HRH1: variants seen among roughly 807,000 people sequenced by gnomAD.
The protein encoded by HRH1 is histamine H1 receptor.
HRH1 carries 6 observed loss-of-function variants against 10.3 expected under a neutral mutation model. The ratio of observed to expected loss-of-function variants is 0.58; its 90% confidence interval spans 0.32 to 1.15. HRH1 has a LOEUF of 1.15. Among genes scored for constraint, HRH1 ranks in the 50% most tolerant of loss-of-function variants. The pLI, the probability that HRH1 is intolerant of heterozygous loss-of-function variation, is 0.05. For missense variants in HRH1, 514 were observed against 615.3 expected (o/e 0.84, Z 1.74); for synonymous variants, 242 against 236.7 (o/e 1.02, Z -0.21).
intron 1 of HRH1, among the ~76,000 whole-genome samples, chr3:11,247,864 T>C (rs985766539): frequency 1.6e-4 from 24 of 152,240 alleles, no homozygotes; most frequent in African/African-American, 5.5e-4. Flanking sequence ...TATAAGTCTT[T>C]GCACTAAACC....
intron 1 of HRH1, among the ~76,000 whole-genome samples, chr3:11,199,997 G>A (rs1361635116): frequency 2.0e-5 from 3 of 152,194 alleles, no homozygotes; most frequent in Non-Finnish European, 4.4e-5. Flanking sequence ...TAGTGGACAT[G>A]ACACATGTGG....
intron 1 of HRH1, among the ~76,000 whole-genome samples, chr3:11,188,187 T>C (rs1937480603): frequency 6.6e-6 from 1 of 152,194 alleles, no homozygotes; most frequent in African/African-American, 2.4e-5. Context: ...ATATCTAGCA[T>C]TGGTAAGAAT....
intron 1 of HRH1, among the ~76,000 whole-genome samples, chr3:11,222,963 G>A (rs1938757017): frequency 6.6e-6 from 1 of 152,028 alleles, no homozygotes; most frequent in African/African-American, 2.4e-5. Context: ...AAGGCAGGCG[G>A]ATCATGAGGT....
Position 11,261,979 on chromosome 3 carries a change from G to A in HRH1, c.*1478G>A, listed in dbSNP as rs200072076. On this transcript the variant is annotated 3_prime_UTR_variant, in exon 2 of 2. Coordinates refer to ENST00000431010, the MANE Select transcript of HRH1 (RefSeq NM_001098212.2). The stretch of plus-strand genomic sequence containing the variant: ...TGACATGGAGTTCCCGTGCACCTAC[G>A]GAAGGGGACGCTTTGAAGGAACCAA... The A allele has an allele frequency of 4.2e-5, 7 of 167,186 alleles. No individual in the cohort carries two copies. The highest frequency in any genetic ancestry group is 3.3e-4 in the Admixed American group (5 of 15,296). 10.4% of individuals were successfully genotyped at this position (167,186 alleles called of 1,614,324 possible). A position where few individuals can be genotyped will look rare whatever the true frequency, so the allele number is the denominator to read the frequency against.
intron 1 of HRH1, among the ~76,000 whole-genome samples, chr3:11,161,851 C>T (rs1001125616): frequency 4.6e-5 from 7 of 152,176 alleles, no homozygotes; most frequent in African/African-American, 1.7e-4. Context: ...GGAGTTTTCT[C>T]CCACTGGTCT....
intron 1 of HRH1, among the ~76,000 whole-genome samples, chr3:11,140,126 A>G (rs1936263463): frequency 6.6e-6 from 1 of 152,184 alleles, no homozygotes; most frequent in Admixed American, 6.5e-5. Context: ...GTGCCCATGT[A>G]CAGTGAACGA....
chr3:11,179,161 G>A (rs932367136), intron 1 of HRH1, among the ~76,000 whole-genome samples: 19 of 152,014 alleles, frequency 1.2e-4, no homozygotes, highest in Admixed American at 8.5e-4. Flanking sequence ...GGTGGCGCAC[G>A]CCTATAATCC....
chr3:11,213,671 C>A (rs558174987), intron 1 of HRH1, among the ~76,000 whole-genome samples: 37 of 152,304 alleles, frequency 2.4e-4, no homozygotes, highest in Non-Finnish European at 4.1e-4. Context: ...TGGAGCCTCC[C>A]TTATGAGGGC....
At chr3:11,205,981 A>C (rs1489122217) in intron 1 of HRH1, among the ~76,000 whole-genome samples, 1 of 151,790 alleles carries the variant, frequency 6.6e-6, no homozygotes, top group African/African-American at 2.4e-5. Context: ...TTTTGCTGCT[A>C]TCAGATGGCT....
At chr3:11,166,704 A>G (rs1286713434) in intron 1 of HRH1, among the ~76,000 whole-genome samples, 44 of 51,788 alleles carry the variant, frequency 8.5e-4, no homozygotes, top group Middle Eastern at 0.021. Context: ...GCTGTCCCCT[A>G]GATTCTCCAG....
intron 1 of HRH1, among the ~76,000 whole-genome samples, chr3:11,258,371 G>T (rs971158659): frequency 6.6e-6 from 1 of 152,074 alleles, no homozygotes; most frequent in Non-Finnish European, 1.5e-5. Context: ...CAAGGCCCTA[G>T]GCTGGCATTT....
chr3:11,185,729 A>T (rs1937441031), intron 1 of HRH1, among the ~76,000 whole-genome samples: 1 of 152,096 alleles, frequency 6.6e-6, no homozygotes, highest in South Asian at 2.1e-4. Context: ...AGCTCCGATG[A>T]CACAGGCCAA....
At chr3:11,218,408 A>G (rs1938585528) in intron 1 of HRH1, among the ~76,000 whole-genome samples, 1 of 150,142 alleles carries the variant, frequency 6.7e-6, no homozygotes, top group African/African-American at 2.5e-5. Flanking sequence ...AGATTGTGCT[A>G]CCGCACTCCA....
chr3:11,212,170 A>G (rs1938349638), intron 1 of HRH1, among the ~76,000 whole-genome samples: 1 of 152,194 alleles, frequency 6.6e-6, no homozygotes, highest in South Asian at 2.1e-4. Context: ...CGACAGGAAT[A>G]AGGACAGGAA....
At chr3:11,149,783 A>G (rs183049379), upstream of HRH1, among the ~76,000 whole-genome samples, 9 of 152,394 alleles carry the variant, frequency 5.9e-5, no homozygotes, top group African/African-American at 9.6e-5. Flanking sequence ...GCGTATATGA[A>G]CGTTCACTAA....
chr3:11,246,411 C>T (rs1003666850), intron 1 of HRH1, among the ~76,000 whole-genome samples: 3 of 152,190 alleles, frequency 2.0e-5, no homozygotes, highest in African/African-American at 4.8e-5. Flanking sequence ...TCCTGAGTGG[C>T]GTGTAGTGAC....
intron 1 of HRH1, among the ~76,000 whole-genome samples, chr3:11,160,750 C>A (rs2125008210): frequency 6.6e-6 from 1 of 152,302 alleles, no homozygotes; most frequent in Middle Eastern, 3.4e-3. Context: ...AACCTGGAAA[C>A]CCAGTCATTG....
chr3:11,259,151 C>T lies in HRH1; in HGVS notation c.114C>T (p.Cys38=). 4 of 1,614,088 alleles carry T rather than the reference C, an allele frequency of 2.5e-6. No individual in the cohort carries two copies. Among genetic ancestry groups the T allele is most frequent in the Non-Finnish European group, 3.4e-6 (4 of 1,180,032 alleles). The change falls in exon 2 of 2, where the codon TGC becomes TGT. Residue 38 remains cysteine, a synonymous_variant. Transcript: ENST00000431010. This position sits in a 1 kb window ranked among gnomAD's most constrained non-coding sequence, Gnocchi z 4.6. Reference sequence around the variant, plus strand: ...TGGTGGTGGTCCTGAGCACTATCTGCTTGGTCACAGTAGGGCTCAACCTGC... The same window carrying T: ...TGGTGGTGGTCCTGAGCACTATCTGTTTGGTCACAGTAGGGCTCAACCTGC... ...MPLVVVLSTI[C]LVTVGLNLLV... is the part of the protein sequence containing the mutation.
chr3:11,179,303 TAAAATTTAA>T (rs1274840481), intron 1 of HRH1, among the ~76,000 whole-genome samples: 1 of 148,640 alleles, frequency 6.7e-6, no homozygotes, highest in Non-Finnish European at 1.5e-5. Flanking sequence ...AATAAATAAA[TAAAATTTAA>T]AAAATTTAAA....
Sources: gnomAD v4.1 joint callset for allele counts (sites outside exome capture counted in the v4.1 genomes callset) on GRCh38, gnomAD v4.1.1 for gene constraint, Gnocchi (gnomAD v3.1) non-coding constraint, MANE v1.5 for transcripts, NCBI Gene and HGNC (gene_info 2026-07-23, HGNC 2026-07-21) for gene names.